Variants in SLC2A13 observed in about 807,000 individuals in gnomAD.
SLC2A13 encodes solute carrier family 2 member 13, also known as proton myo-inositol cotransporter.
Under a neutral mutation model 64.4 loss-of-function variants are expected in SLC2A13, and 32 were observed. That is an observed-to-expected ratio of 0.50 (90% CI 0.37 to 0.67). SLC2A13 has a LOEUF of 0.67. SLC2A13 is among the 30% of genes least tolerant of loss of function. The pLI is 0.00. For missense variants in SLC2A13, 743 were observed against 829.2 expected, an observed-to-expected ratio of 0.90 and a Z score of 1.28; for synonymous variants, 338 against 327.1, an observed-to-expected ratio of 1.03 and a Z score of -0.36.
At chr12:39,996,889 C>T (rs1947240889) in intron 3 of SLC2A13, among the ~76,000 whole-genome samples, 1 of 152,124 alleles carries the variant, frequency 6.6e-6, no homozygotes, top group East Asian at 1.9e-4. Context: ...TCATAGAAAA[C>T]ACAAACAAAT....
At chr12:39,809,532 T>C (rs1247717873) in intron 7 of SLC2A13, among the ~76,000 whole-genome samples, 1 of 152,142 alleles carries the variant, frequency 6.6e-6, no homozygotes, top group Non-Finnish European at 1.5e-5. Context: ...ATACTTTAAG[T>C]TTTAGGGTAC....
rs545434 is a variant in SLC2A13, at chr12:39,994,643, T to C, written c.925+33658A>G. Among the ~76,000 whole-genome samples, 211 of 152,286 alleles carry C rather than the reference T, an allele frequency of 1.4e-3. 1 individual carries two copies. The highest frequency in any genetic ancestry group is 4.8e-3 in the African/African-American group (201 of 41,568). ...TGCACATTTCAAATGCACTTCTCAG[T>C]TCTTGGGCTTTTCATCTACCTGGGC... is the stretch of plus-strand genomic sequence containing the variant. On this transcript the variant is annotated intron_variant, in intron 3 of 9. Coordinates refer to ENST00000280871, the MANE Select transcript of SLC2A13 (RefSeq NM_052885.4).
rs1238332813 is a variant in SLC2A13 at position 39,990,156 on chromosome 12, T to C, written c.925+38145A>G. Reference sequence around the variant, plus strand: ...GTATTCTGGAGTCATAACGATCAAATATTAGTTCCTTTTATTATATAAAGT... The same window carrying C: ...GTATTCTGGAGTCATAACGATCAAACATTAGTTCCTTTTATTATATAAAGT... On this transcript the variant is annotated intron_variant, in intron 3 of 9. Coordinates refer to ENST00000280871, the MANE Select transcript of SLC2A13 (RefSeq NM_052885.4). Among the ~76,000 whole-genome samples, 4 of 152,182 alleles carry C rather than the reference T, an allele frequency of 2.6e-5. No homozygotes were observed. The East Asian group carries it at 7.7e-4, about 29-fold the overall frequency.
chr12:39,873,312 G>A (rs537357387), intron 4 of SLC2A13, among the ~76,000 whole-genome samples: 3 of 152,262 alleles, frequency 2.0e-5, no homozygotes, highest in African/African-American at 7.2e-5. Context: ...TGAAAACTGC[G>A]AATGTTTTGC....
rs555659005 is a variant in SLC2A13 at position 39,811,872 on chromosome 12, A to G, written c.1445+18231T>C. Among the ~76,000 whole-genome samples, 34 of 152,298 alleles carry G rather than the reference A, an allele frequency of 2.2e-4. 1 individual carries two copies. The highest frequency in any genetic ancestry group is 3.4e-3 in the Middle Eastern group (1 of 294). Reference sequence around the variant, plus strand: ...ACAGTTGCATTTGTTTTCATGTCTAATTGGACAACTCTGTCTTTTACTGGA... The same window carrying G: ...ACAGTTGCATTTGTTTTCATGTCTAGTTGGACAACTCTGTCTTTTACTGGA... On this transcript the variant is annotated intron_variant, in intron 7 of 9. Coordinates refer to ENST00000280871, the MANE Select transcript of SLC2A13 (RefSeq NM_052885.4).
chr12:40,083,253 C>G (rs1565620141), intron 1 of SLC2A13, among the ~76,000 whole-genome samples: 1 of 152,084 alleles, frequency 6.6e-6, no homozygotes, highest in Non-Finnish European at 1.5e-5. Flanking sequence ...AGAAGATCCC[C>G]TTTTTCAGCT....
chr12:39,763,477 A>T (rs1940238669), intron 9 of SLC2A13, among the ~76,000 whole-genome samples: 1 of 152,080 alleles, frequency 6.6e-6, no homozygotes, highest in African/African-American at 2.4e-5. Flanking sequence ...GGTGAACAGG[A>T]TGCCTTGGCA....
At chr12:39,898,158 GTAT>G (rs575674987) in intron 4 of SLC2A13, among the ~76,000 whole-genome samples, 91 of 152,250 alleles carry the variant, frequency 6.0e-4, no homozygotes, top group African/African-American at 2.1e-3. Flanking sequence ...ATTTGTAGAA[GTAT>G]TCCCTTAGGA....
rs1939961470 is a variant in SLC2A13, at chr12:39,756,025, CAG to C, written c.*3999_*4000del. ...ATTGCTATTTCTAGAAAAATAGCAGCAGTATTGCTCACCTAGAAGAGCTGAAT... is the reference window on the plus strand; with the variant it reads ...ATTGCTATTTCTAGAAAAATAGCAGCTATTGCTCACCTAGAAGAGCTGAAT... On this transcript the variant is annotated 3_prime_UTR_variant, in exon 10 of 10. Transcript: ENST00000280871. 6.6e-6 allele frequency: 1 copy of C among 151,848 alleles called. No individual in the cohort carries two copies. Among genetic ancestry groups the C allele is most frequent in the Non-Finnish European group, 1.5e-5 (1 of 67,756 alleles). 9.4% of individuals were successfully genotyped at this position (151,848 alleles called of 1,614,324 possible).
chr12:39,946,679 G>A (rs980274987), intron 4 of SLC2A13, among the ~76,000 whole-genome samples: 1 of 152,148 alleles, frequency 6.6e-6, no homozygotes. Flanking sequence ...CAACTCTCAC[G>A]CAAACGGAAG....
chr12:40,096,005 G>A (rs1938929736), intron 1 of SLC2A13, among the ~76,000 whole-genome samples: 1 of 152,010 alleles, frequency 6.6e-6, no homozygotes, highest in Non-Finnish European at 1.5e-5. Context: ...CACGATCTCA[G>A]CTCACTGCAA....
chr12:39,830,148 C>T lies in SLC2A13; in HGVS notation c.1400G>A (p.Cys467Tyr). 1.2e-6 allele frequency: 2 copies of T among 1,613,694 alleles called. No homozygotes were observed. The highest frequency in any genetic ancestry group is 1.7e-6 in the Non-Finnish European group (2 of 1,179,778). ...MNKSTVIDSSCVPVNKASTNE... is the reference protein window; with the variant it reads ...MNKSTVIDSSYVPVNKASTNE... ...TGTAGATGCTTTATTAACTGGAACA[C>T]AGGAGGAGTCAATGACAGTTGATTT... The change falls in exon 7 of 10, where the codon TGT becomes TAT. Residue 467 changes from cysteine (C) to tyrosine (Y), a missense_variant. By Grantham distance (194) the Cys-to-Tyr change is radical. Coordinates refer to ENST00000280871, the MANE Select transcript of SLC2A13 (RefSeq NM_052885.4).
Position 40,105,945 on chromosome 12 carries a change from C to A in SLC2A13, c.-137G>T, listed in dbSNP as rs573176212. 1.3e-4 allele frequency: 136 copies of A among 1,086,788 alleles called. 3 individuals are homozygous for A. In the South Asian group the frequency reaches 3.7e-3, roughly 30 times the overall value. The allele number at this position is 1,086,788 out of a possible 1,614,324, so 67.3% of individuals were successfully genotyped here. A position where few individuals can be genotyped will look rare whatever the true frequency, so the allele number is the denominator to read the frequency against. On this transcript the variant is annotated 5_prime_UTR_variant, in exon 1 of 10. Coordinates refer to ENST00000280871, the MANE Select transcript of SLC2A13 (RefSeq NM_052885.4). This position sits in a 1 kb window ranked among gnomAD's most constrained non-coding sequence, Gnocchi z 4.2. ...CTCCCGGCTTCCGCTCCGGCTGCCA[C>A]GGCAGCAGCCGCCGCCACGGCCGCT...
At chr12:39,990,776 A>G (rs1947122834) in intron 3 of SLC2A13, among the ~76,000 whole-genome samples, 1 of 152,198 alleles carries the variant, frequency 6.6e-6, no homozygotes, top group African/African-American at 2.4e-5. Context: ...ATATGATCAC[A>G]GTTTAGAAAC....
chr12:39,942,779 C>G (rs1946058348), intron 4 of SLC2A13, among the ~76,000 whole-genome samples: 1 of 152,180 alleles, frequency 6.6e-6, no homozygotes, highest in Admixed American at 6.5e-5. Flanking sequence ...AACTCATTCT[C>G]AGTCCAGTTT....
chr12:40,036,263 T>C (rs181138147), intron 2 of SLC2A13, among the ~76,000 whole-genome samples: 80 of 152,280 alleles, frequency 5.3e-4, no homozygotes, highest in Admixed American at 4.3e-3. Context: ...TATTCATTGG[T>C]CAATGCAGAA....
At chr12:39,873,737 A>G (rs117156500) in intron 4 of SLC2A13, among the ~76,000 whole-genome samples, 4,853 of 152,324 alleles carry the variant, frequency 0.032, 113 homozygotes, top group Non-Finnish European at 0.045. Flanking sequence ...AAAGGAGAGT[A>G]GTATAAAACA....
chr12:40,025,458 A>C (rs1254628112), intron 3 of SLC2A13, among the ~76,000 whole-genome samples: 1 of 152,228 alleles, frequency 6.6e-6, no homozygotes, highest in Non-Finnish European at 1.5e-5. Flanking sequence ...TCACATATGC[A>C]AGTGCCATAA....
intron 3 of SLC2A13, among the ~76,000 whole-genome samples, chr12:39,990,297 A>G (rs562592046): frequency 6.6e-6 from 1 of 152,314 alleles, no homozygotes; most frequent in Non-Finnish European, 1.5e-5. Context: ...TGAGGACAGA[A>G]GAGGGCCAAG....
Sources: gnomAD v4.1 joint callset for allele counts (sites outside exome capture counted in the v4.1 genomes callset) on GRCh38, gnomAD v4.1.1 for gene constraint, Gnocchi (gnomAD v3.1) non-coding constraint, MANE v1.5 for transcripts, NCBI Gene and HGNC (gene_info 2026-07-23, HGNC 2026-07-21) for gene names.